Variants in TANC1 observed in about 807,000 individuals in gnomAD.
TANC1 encodes protein TANC1.
A neutral mutation model predicts 149.7 loss-of-function variants in TANC1; 77 were observed. That is an observed-to-expected ratio of 0.51 (90% CI 0.43 to 0.62). The LOEUF is 0.62. Ranked by LOEUF, TANC1 falls within the 20% of genes least tolerant of loss-of-function variation. The probability of loss-of-function intolerance (pLI) is 0.00; values close to 1 mark genes in which losing one functional copy is unlikely to be tolerated. For synonymous variants in TANC1, 854 were observed against 925.0 expected (o/e 0.92, Z 1.39); for missense variants, 1,985 against 2,321.8 (o/e 0.85, Z 2.98).
At chr2:159,195,695 G>A (rs1025434530) in intron 17 of TANC1, among the ~76,000 whole-genome samples, 1 of 152,156 alleles carries the variant, frequency 6.6e-6, no homozygotes, top group African/African-American at 2.4e-5. Context: ...AAGCCTTTGG[G>A]GTGGGTATGT....
intron 19 of TANC1, among the ~76,000 whole-genome samples, chr2:159,203,281 A>G (rs1174154860): frequency 6.9e-6 from 1 of 144,284 alleles, no homozygotes; most frequent in Non-Finnish European, 1.5e-5. Context: ...ATCTTGGCTC[A>G]CTGCAACCTC....
intron 7 of TANC1, among the ~76,000 whole-genome samples, chr2:159,157,740 T>G (rs2053588943): frequency 6.6e-6 from 1 of 152,222 alleles, no homozygotes; most frequent in African/African-American, 2.4e-5. Context: ...AATTCATTGG[T>G]CCAGTGTTTT....
chr2:159,215,096 C>A (rs1248804909), intron 19 of TANC1, among the ~76,000 whole-genome samples: 1 of 152,176 alleles, frequency 6.6e-6, no homozygotes, highest in Non-Finnish European at 1.5e-5. Flanking sequence ...AGCTGCCTTA[C>A]CGTTCTGGAA....
intron 11 of TANC1, 50 bp from the exon 12 acceptor site, chr2:159,174,903 G>C (rs914205623): frequency 7.1e-7 from 1 of 1,400,190 alleles, no homozygotes; most frequent in African/African-American, 1.4e-5. Context: ...ATTGCAGAAG[G>C]AGCTGTGTGA....
chr2:159,135,176 A>G (rs984646849), intron 4 of TANC1, among the ~76,000 whole-genome samples: 4 of 152,198 alleles, frequency 2.6e-5, no homozygotes, highest in African/African-American at 9.7e-5. Context: ...TATTCTGGGC[A>G]TGACATATGA....
chr2:159,066,021 T>A, intron 3 of TANC1, 50 bp downstream of exon 3: 1 of 1,427,180 alleles, frequency 7.0e-7, no homozygotes, highest in Non-Finnish European at 9.9e-7. Context: ...GGCAGCAAGC[T>A]GCTCCTCACC....
intron 2 of TANC1, among the ~76,000 whole-genome samples, chr2:159,026,037 G>A (rs1035319197): frequency 3.9e-5 from 6 of 152,132 alleles, no homozygotes; most frequent in African/African-American, 1.4e-4. Context: ...GGGCTCAAGC[G>A]ATCATCTTGC....
At chr2:158,979,950 A>G (rs2034110082) in intron 1 of TANC1, among the ~76,000 whole-genome samples, 1 of 152,242 alleles carries the variant, frequency 6.6e-6, no homozygotes, top group African/African-American at 2.4e-5. Flanking sequence ...TAAATTGCAA[A>G]TAGATGCAAT....
chr2:159,174,914 A>G (rs749111801), intron 11 of TANC1, 39 bp from the exon 12 acceptor site: 3 of 1,506,186 alleles, frequency 2.0e-6, no homozygotes, highest in Admixed American at 3.3e-5. Context: ...AGCTGTGTGA[A>G]GAGGGTGAGG....
At position 159,121,979 on chromosome 2, in the gene TANC1, C is replaced by T. The variant is rs76898029; in HGVS notation, c.260-14215C>T. The stretch of plus-strand genomic sequence containing the variant: ...TTGAGAGATGCTCTCGTTCTGTTGC[C>T]CAGGCTGGAGTGCAGTGGCAGGATC... On this transcript the variant is annotated intron_variant, in intron 4 of 26. Coordinates refer to ENST00000263635, the MANE Select transcript of TANC1 (RefSeq NM_033394.3). Among the ~76,000 whole-genome samples the T allele has an allele frequency of 7.1e-3, 1,080 of 152,276 alleles. 9 individuals carry two copies. The highest frequency in any genetic ancestry group is 0.024 in the African/African-American group (1,015 of 41,556).
intron 4 of TANC1, among the ~76,000 whole-genome samples, chr2:159,101,659 G>C (rs2046725157): frequency 6.6e-6 from 1 of 152,054 alleles, no homozygotes; most frequent in Non-Finnish European, 1.5e-5. Context: ...AGTCTTTTTG[G>C]ATTAAGAATT....
chr2:159,018,631 A>G (rs570968525), intron 2 of TANC1, among the ~76,000 whole-genome samples: 1 of 152,280 alleles, frequency 6.6e-6, no homozygotes, highest in Non-Finnish European at 1.5e-5. Context: ...TTCTGTACCC[A>G]TTAAACAATA....
intron 2 of TANC1, among the ~76,000 whole-genome samples, chr2:159,024,967 C>T (rs947252703): frequency 9.2e-5 from 14 of 152,172 alleles, no homozygotes; most frequent in Non-Finnish European, 1.8e-4. Context: ...CACTCTGTTA[C>T]ATTCGCACAG....
chr2:159,078,972 G>C lies in TANC1; in HGVS notation c.61+13001G>C, dbSNP rs995998689. Among the ~76,000 whole-genome samples, 18 of 76,710 alleles carry C rather than the reference G, an allele frequency of 2.3e-4. 1 individual carries two copies. The highest frequency in any genetic ancestry group is 4.8e-4 in the Non-Finnish European group (15 of 31,354). The allele number at this position is 76,710 out of a possible 152,430, so 50.3% of individuals were successfully genotyped here. A position where few individuals can be genotyped will look rare whatever the true frequency, so the allele number is the denominator to read the frequency against. ...GAAGATATAGGGTTGTTTTGTTTTT[G>C]TATTTTTTTTAAACCTATGGTATAC... On this transcript the variant is annotated intron_variant, in intron 3 of 26. Transcript: ENST00000263635.
intron 2 of TANC1, among the ~76,000 whole-genome samples, chr2:159,047,751 C>T (rs1271299637): frequency 6.6e-6 from 1 of 152,176 alleles, no homozygotes; most frequent in Non-Finnish European, 1.5e-5. Flanking sequence ...CCACTTTGGG[C>T]ACATGTCATC....
chr2:159,136,049 T>TGTGTGTGTGCGTGCGA, intron 4 of TANC1, 145 bp from the exon 5 acceptor site: 1 of 90,786 alleles, frequency 1.1e-5, no homozygotes, highest in South Asian at 8.8e-5. Context: ...TGTGTGTGTG[T>TGTGTGTGTGCGTGCGA]GCGCGCGCGC....
At chr2:159,101,715 A>G (rs1040154098) in intron 4 of TANC1, among the ~76,000 whole-genome samples, 46 of 152,128 alleles carry the variant, frequency 3.0e-4, no homozygotes, top group African/African-American at 2.4e-5. Flanking sequence ...AGAAGAGAAA[A>G]GCTCATTTCC....
intron 2 of TANC1, among the ~76,000 whole-genome samples, chr2:159,014,903 C>G (rs185727272): frequency 6.6e-6 from 1 of 152,332 alleles, no homozygotes; most frequent in Non-Finnish European, 1.5e-5. Context: ...TTGCAGGGTA[C>G]AGCCTCCTTC....
intron 4 of TANC1, 138 bp from the exon 5 acceptor site, chr2:159,136,056 G>T: frequency 1.8e-6 from 1 of 552,552 alleles, no homozygotes; most frequent in Non-Finnish European, 3.2e-6. Context: ...GTGTGCGCGC[G>T]CGCGCGTTTA....
Sources: gnomAD v4.1 joint callset for allele counts (sites outside exome capture counted in the v4.1 genomes callset) on GRCh38, gnomAD v4.1.1 for gene constraint, MANE v1.5 for transcripts, NCBI Gene and HGNC (gene_info 2026-07-23, HGNC 2026-07-21) for gene names.